The following ANKS1B variants were observed in gnomAD, a reference collection of about 807,000 sequenced individuals.
ANKS1B encodes ankyrin repeat and sterile alpha motif domain containing 1B.
Under a neutral mutation model 148.3 loss-of-function variants are expected in ANKS1B, and 36 were observed. That is an observed-to-expected ratio of 0.24 (90% CI 0.19 to 0.32). ANKS1B has a LOEUF of 0.32. Ranked by LOEUF, ANKS1B falls within the 10% of genes least tolerant of loss-of-function variation. ANKS1B has a pLI of 1.00. For missense variants in ANKS1B, 1,157 were observed against 1,542.6 expected, an observed-to-expected ratio of 0.75 and a Z score of 4.19; for synonymous variants, 542 against 560.8, an observed-to-expected ratio of 0.97 and a Z score of 0.47.
intron 14 of ANKS1B, among the ~76,000 whole-genome samples, chr12:99,156,424 C>T (rs1474803874): frequency 2.6e-5 from 4 of 152,160 alleles, no homozygotes; most frequent in Admixed American, 2.6e-4. Context: ...TTGATTACTA[C>T]TCCCTGTCTC....
chr12:99,931,258 T>G (rs2094606956), intron 1 of ANKS1B, among the ~76,000 whole-genome samples: 1 of 151,930 alleles, frequency 6.6e-6, no homozygotes, highest in African/African-American at 2.4e-5. Flanking sequence ...GAGTTAATGG[T>G]TGCAGCACAC....
rs75655319 is a variant in ANKS1B, at chr12:99,607,376, C to CT, written c.1272+47690dup. Among the ~76,000 whole-genome samples, 72 of 146,242 alleles carry CT rather than the reference C, an allele frequency of 4.9e-4. 1 individual carries two copies. Among genetic ancestry groups the CT allele is most frequent in the Admixed American group, 1.5e-3 (22 of 14,572 alleles). On this transcript the variant is annotated intron_variant, in intron 9 of 26. Coordinates refer to ENST00000683438, the MANE Select transcript of ANKS1B (RefSeq NM_001352186.2). ...AGTTAAAAGTTAAATGTAGTTTTTC[C>CT]TTTTTTTTTTTCCCCCATGACTCAT...
chr12:99,117,081 C>T lies in ANKS1B; in HGVS notation c.2527-32058G>A, dbSNP rs2061591367. The stretch of plus-strand genomic sequence containing the variant: ...CTGAGACTTTGCTGAAGTTGCTTAT[C>T]AGTGTAAAGAGATTTTGGGCTGAGA... On this transcript the variant is annotated intron_variant, in intron 15 of 26. Transcript: ENST00000683438. Among the ~76,000 whole-genome samples the T allele has an allele frequency of 2.0e-5, 3 of 152,154 alleles. No homozygotes were observed. In the South Asian group the frequency reaches 6.2e-4, roughly 32 times the overall value.
At chr12:99,591,227 TTA>T (rs1270323342) in intron 9 of ANKS1B, among the ~76,000 whole-genome samples, 7 of 152,058 alleles carry the variant, frequency 4.6e-5, no homozygotes, top group African/African-American at 1.7e-4. Flanking sequence ...AAATTTTCTT[TTA>T]TATAACTTTA....
At chr12:99,376,358 C>T (rs547010787) in intron 12 of ANKS1B, among the ~76,000 whole-genome samples, 33 of 152,266 alleles carry the variant, frequency 2.2e-4, no homozygotes, top group Non-Finnish European at 3.4e-4. Flanking sequence ...TAGCTGTTAT[C>T]CATAAACGAA....
At chr12:98,957,520 G>A (rs944602181) in intron 17 of ANKS1B, among the ~76,000 whole-genome samples, 1 of 151,742 alleles carries the variant, frequency 6.6e-6, no homozygotes. Flanking sequence ...GTTAATTTTT[G>A]TATTTTTAGT....
intron 9 of ANKS1B, among the ~76,000 whole-genome samples, chr12:99,577,525 T>A (rs2153225584): frequency 6.6e-6 from 1 of 151,210 alleles, no homozygotes; most frequent in East Asian, 1.9e-4. Flanking sequence ...ATAAAAACAA[T>A]CAGAAATGAC....
chr12:99,228,570 T>C (rs2153948777), intron 14 of ANKS1B, among the ~76,000 whole-genome samples: 1 of 152,082 alleles, frequency 6.6e-6, no homozygotes, highest in East Asian at 1.9e-4. Context: ...TAGAATTTGG[T>C]AAAATGGTAT....
intron 12 of ANKS1B, among the ~76,000 whole-genome samples, chr12:99,273,104 T>C (rs986971244): frequency 2.6e-5 from 4 of 152,314 alleles, no homozygotes; most frequent in East Asian, 1.9e-4. Flanking sequence ...TGGGTGCAGA[T>C]TGCATTTCTT....
At chr12:99,549,304 T>C (rs1385579726) in intron 9 of ANKS1B, among the ~76,000 whole-genome samples, 1 of 152,118 alleles carries the variant, frequency 6.6e-6, no homozygotes, top group East Asian at 1.9e-4. Context: ...GGGTAAATCT[T>C]TAATCCAATT....
Position 99,293,123 on chromosome 12 carries a change from T to C in ANKS1B, c.1757-46259A>G, listed in dbSNP as rs371620997. Among the ~76,000 whole-genome samples the C allele has an allele frequency of 5.3e-5, 8 of 152,274 alleles. No individual in the cohort carries two copies. The East Asian group carries it at 1.4e-3, about 26-fold the overall frequency. On this transcript the variant is annotated intron_variant, in intron 12 of 26. Transcript: ENST00000683438. ...ACCCCAATGTCCATCAATGATAGAC[T>C]GGATTAAGAAAATATGGCACATATA... is the stretch of plus-strand genomic sequence containing the variant.
intron 12 of ANKS1B, among the ~76,000 whole-genome samples, chr12:99,334,185 G>GATAC (rs1386599061): frequency 6.2e-4 from 93 of 150,364 alleles, no homozygotes; most frequent in African/African-American, 1.2e-3. Flanking sequence ...CAGACAGATA[G>GATAC]ATAGATACAT....
intron 8 of ANKS1B, among the ~76,000 whole-genome samples, chr12:99,745,442 AAAC>A (rs1217740008): frequency 6.6e-6 from 1 of 152,216 alleles, no homozygotes; most frequent in Non-Finnish European, 1.5e-5. Flanking sequence ...GCACTTCAAA[AAAC>A]AACATTAAGA....
At chr12:99,824,421 A>G (rs2153682254) in intron 2 of ANKS1B, among the ~76,000 whole-genome samples, 1 of 152,090 alleles carries the variant, frequency 6.6e-6, no homozygotes. Flanking sequence ...AATAACTTGA[A>G]TCCAGGAGGC....
chr12:98,802,594 CTTTTTTTTTTTTTTT>C (rs397850118), intron 20 of ANKS1B, among the ~76,000 whole-genome samples: 5 of 34,758 alleles, frequency 1.4e-4, no homozygotes, highest in Non-Finnish European at 2.0e-4. Flanking sequence ...AATGCACAGG[CTTTTTTTTTTTTTTT>C]TTTTTTTTTT....
intron 12 of ANKS1B, chr12:99,351,880 A>T (rs186582659): frequency 6.6e-6 from 1 of 152,186 alleles, no homozygotes; most frequent in African/African-American, 2.4e-5. Flanking sequence ...CTTAAGCAAC[A>T]ATCTCTTCCT....
At chr12:99,098,942 C>A (rs1223578424) in intron 15 of ANKS1B, among the ~76,000 whole-genome samples, 1 of 151,920 alleles carries the variant, frequency 6.6e-6, no homozygotes, top group East Asian at 1.9e-4. Flanking sequence ...TAAGTGAAGT[C>A]TGAAGGGACA....
intron 8 of ANKS1B, among the ~76,000 whole-genome samples, chr12:99,738,395 C>G (rs1290116220): frequency 6.6e-6 from 1 of 152,140 alleles, no homozygotes; most frequent in Non-Finnish European, 1.5e-5. Context: ...TCTAACTTCT[C>G]CATATTTGTT....
In ANKS1B at chr12:98,868,963, T is replaced by G. The variant is rs112299605; in HGVS notation, c.2779-36827A>C. ...CTTTGAGAGATATATTTTATAACTG[T>G]TTTGTAGAAAAAAACCACGAAGGAT... On this transcript the variant is annotated intron_variant, in intron 17 of 26. Transcript: ENST00000683438. 7.9e-3 allele frequency among the ~76,000 whole-genome samples: 1,211 copies of G among 152,330 alleles called. 11 individuals are homozygous for G. The highest frequency in any genetic ancestry group is 0.028 in the African/African-American group (1,154 of 41,582).
Sources: gnomAD v4.1 joint callset for allele counts (sites outside exome capture counted in the v4.1 genomes callset) on GRCh38, gnomAD v4.1.1 for gene constraint, MANE v1.5 for transcripts, NCBI Gene and HGNC (gene_info 2026-07-23, HGNC 2026-07-21) for gene names.